The following PCDHGA3 variants were observed in gnomAD, a reference collection of about 807,000 sequenced individuals.
The protein encoded by PCDHGA3 is protocadherin gamma-A3.
A neutral mutation model predicts 58.5 loss-of-function variants in PCDHGA3; 40 were observed. The observed-to-expected ratio is 0.68, with a 90% CI of 0.53 to 0.89. The LOEUF (loss-of-function observed/expected upper bound fraction) is 0.89, where lower values mean the gene tolerates loss of function less well. PCDHGA3 is among the 40% of genes least tolerant of loss of function. PCDHGA3 has a pLI of 0.00. For synonymous variants in PCDHGA3, 530 were observed against 525.7 expected, an observed-to-expected ratio of 1.01 and a Z score of -0.11; for missense variants, 1,223 against 1,195.9, an observed-to-expected ratio of 1.02 and a Z score of -0.33.
At position 141,511,313 on chromosome 5, in the gene PCDHGA3, CAGAA is replaced by C; in HGVS notation, c.*142_*145del. The C allele has an allele frequency of 2.0e-6, 3 of 1,482,944 alleles. No homozygotes were observed. In the South Asian group the frequency reaches 4.1e-5, roughly 20 times the overall value. 91.9% of individuals were successfully genotyped at this position (1,482,944 alleles called of 1,614,324 possible). ...CCAAGGCCATGCTCCCCTTGGGAAA[CAGAA>C]ACAAGTGCCCAGTCAGCACCTACCC... On this transcript the variant is annotated 3_prime_UTR_variant, in exon 4 of 4. Transcript: ENST00000253812.
rs112156044 is a variant in PCDHGA3, at chr5:141,476,771, G to A, written c.2425-18036G>A. The A allele has an allele frequency of 6.2e-7, 1 of 1,613,700 alleles. No homozygotes were observed. The highest frequency in any genetic ancestry group is 1.3e-5 in the African/African-American group (1 of 75,036). On this transcript the variant is annotated intron_variant, in intron 1 of 3. Coordinates refer to ENST00000253812, the MANE Select transcript of PCDHGA3 (RefSeq NM_018916.4). The surrounding 1 kb of genome is among the most constrained non-coding windows in gnomAD (Gnocchi z 7.6). ...CCAGTTAGTGCTGACGGCGTTGGAC[G>A]GAGGGACCCCAGCTCTCTCCGCCAG...
intron 1 of PCDHGA3, among the ~76,000 whole-genome samples, chr5:141,479,817 A>T (rs773702225): frequency 6.6e-6 from 1 of 152,230 alleles, no homozygotes; most frequent in Non-Finnish European, 1.5e-5. Flanking sequence ...CAAGGATACT[A>T]TCCAAGGCAT....
chr5:141,478,073 G>A (rs756198123), intron 1 of PCDHGA3: 1 of 1,614,098 alleles, frequency 6.2e-7, no homozygotes, highest in Admixed American at 1.7e-5. Context: ...AGACAATGGG[G>A]AGCCTTCGCT....
chr5:141,418,938 C>G, intron 1 of PCDHGA3: 1 of 1,613,738 alleles, frequency 6.2e-7, no homozygotes, highest in Non-Finnish European at 8.5e-7. Flanking sequence ...ATGGAGGATT[C>G]CCCTCCAGGA....
intron 1 of PCDHGA3, among the ~76,000 whole-genome samples, chr5:141,429,387 T>TAA (rs11410533): frequency 2.6e-5 from 4 of 151,334 alleles, no homozygotes; most frequent in African/African-American, 4.9e-5. Flanking sequence ...GTTTTTTTTT[T>TAA]AAAAAAAATT....
intron 2 of PCDHGA3, among the ~76,000 whole-genome samples, chr5:141,500,894 C>CAG (rs10656935): frequency 0.58 from 88,074 of 150,994 alleles, 27,125 homozygotes; most frequent in African/African-American, 0.78. Flanking sequence ...TTTTTTGAGA[C>CAG]AGTCTCGCTC....
At chr5:141,443,498 C>G (rs1217918256) in intron 1 of PCDHGA3, among the ~76,000 whole-genome samples, 3 of 152,036 alleles carry the variant, frequency 2.0e-5, no homozygotes, top group Non-Finnish European at 4.4e-5. Context: ...AACAAACAAA[C>G]AAATAAAGAG....
intron 1 of PCDHGA3, chr5:141,428,404 T>A (rs375988962): frequency 2.3e-5 from 11 of 476,688 alleles, no homozygotes; most frequent in East Asian, 2.1e-4. Flanking sequence ...TGCCTGGGGT[T>A]GCTTTCACCC....
chr5:141,349,388 T>TA (rs1039087121), intron 1 of PCDHGA3, among the ~76,000 whole-genome samples: 5 of 152,098 alleles, frequency 3.3e-5, no homozygotes, highest in African/African-American at 1.2e-4. Context: ...TACATTCATA[T>TA]AAAAAAGAAG....
chr5:141,409,303 C>G, intron 1 of PCDHGA3: 3 of 1,613,922 alleles, frequency 1.9e-6, no homozygotes, highest in South Asian at 2.2e-5. Flanking sequence ...TGGTTGTTGC[C>G]CTCTTCAAAA....
intron 1 of PCDHGA3, chr5:141,393,911 T>C: frequency 3.7e-6 from 6 of 1,614,002 alleles, no homozygotes; most frequent in Non-Finnish European, 5.1e-6. Context: ...GGACAGTAAT[T>C]GCCTTCTTGA....
intron 1 of PCDHGA3, among the ~76,000 whole-genome samples, chr5:141,445,011 T>C (rs970882082): frequency 1.3e-5 from 2 of 152,196 alleles, no homozygotes; most frequent in Non-Finnish European, 2.9e-5. Flanking sequence ...AATTAGGTCT[T>C]TAATTTCTCT....
At chr5:141,353,788 C>T (rs1002916622) in intron 1 of PCDHGA3, among the ~76,000 whole-genome samples, 1 of 152,172 alleles carries the variant, frequency 6.6e-6, no homozygotes, top group Non-Finnish European at 1.5e-5. Flanking sequence ...AAATTTATTT[C>T]CAAACATCTT....
intron 1 of PCDHGA3, among the ~76,000 whole-genome samples, chr5:141,447,984 G>C (rs1300057273): frequency 6.6e-6 from 1 of 151,952 alleles, no homozygotes; most frequent in African/African-American, 2.4e-5. Context: ...TACTCGGGAG[G>C]CTGAGGCATG....
rs915288148 is a variant in PCDHGA3, at chr5:141,355,973, G to A, written c.2424+9516G>A. On this transcript the variant is annotated intron_variant, in intron 1 of 3. Transcript: ENST00000253812. ...AGTGTTCGTGAGAACGTTCCTGTAGGCACTCGGCTACTCACCGTAAAAGCC... is the reference window on the plus strand; with the variant it reads ...AGTGTTCGTGAGAACGTTCCTGTAGACACTCGGCTACTCACCGTAAAAGCC... 2.2e-5 allele frequency: 35 copies of A among 1,613,706 alleles called. No homozygotes were observed. Among genetic ancestry groups the A allele is most frequent in the Non-Finnish European group, 2.8e-5 (33 of 1,179,874 alleles).
chr5:141,480,240 C>CAA (rs11374694), intron 1 of PCDHGA3, among the ~76,000 whole-genome samples: 156 of 114,060 alleles, frequency 1.4e-3, no homozygotes, highest in Admixed American at 4.6e-3. Flanking sequence ...CCTGTCTCTA[C>CAA]AAAAAAAAAA....
Position 141,475,033 on chromosome 5 carries a change from A to G in PCDHGA3, c.2425-19774A>G, listed in dbSNP as rs1223709259. 2.0e-5 allele frequency among the ~76,000 whole-genome samples: 3 copies of G among 152,362 alleles called. No individual in the cohort carries two copies. In the East Asian group the frequency reaches 5.8e-4, roughly 29 times the overall value. ...TTAAGGCTCTTTATTCTGTGACTAA[A>G]GGCTTTGTATTTTCTAAAGATTTGT... is the stretch of plus-strand genomic sequence containing the variant. On this transcript the variant is annotated intron_variant, in intron 1 of 3. Transcript: ENST00000253812.
rs144796076 is a variant in PCDHGA3, at chr5:141,394,245, G to A, written c.2424+47788G>A. ...CTCCATCTTTTCCTTGACTGCACACGACCCCGACAGCCAGGAGAATGCCCA... is the reference window on the plus strand; with the variant it reads ...CTCCATCTTTTCCTTGACTGCACACAACCCCGACAGCCAGGAGAATGCCCA... On this transcript the variant is annotated intron_variant, in intron 1 of 3. Transcript: ENST00000253812. The A allele has an allele frequency of 2.5e-3, 4,038 of 1,613,812 alleles. 13 individuals carry two copies. The highest frequency in any genetic ancestry group is 6.1e-3 in the Middle Eastern group (37 of 6,062).
chr5:141,455,856 TTTTATTA>T (rs1315325745), intron 1 of PCDHGA3, among the ~76,000 whole-genome samples: 1 of 146,240 alleles, frequency 6.8e-6, no homozygotes, highest in East Asian at 2.0e-4. Flanking sequence ...AAATAATTTC[TTTTATTA>T]TTTATTTATT....
Sources: allele counts gnomAD v4.1 joint callset (sites outside exome capture counted in the v4.1 genomes callset), GRCh38; gene constraint gnomAD v4.1.1; non-coding constraint Gnocchi (gnomAD v3.1); transcripts MANE v1.5; gene names NCBI Gene and HGNC (gene_info 2026-07-23, HGNC 2026-07-21).